RECQL: variants seen among roughly 807,000 people sequenced by gnomAD.
RECQL encodes the protein ATP-dependent DNA helicase Q1.
RECQL carries 73 observed loss-of-function variants against 75.8 expected under a neutral mutation model. The ratio of observed to expected loss-of-function variants is 0.96; its 90% confidence interval spans 0.80 to 1.17. The LOEUF (loss-of-function observed/expected upper bound fraction) is 1.17. Ranked by LOEUF, RECQL falls within the 50% of genes most tolerant of loss-of-function variation. The pLI is 0.00. For missense variants in RECQL, 699 were observed against 772.1 expected, an observed-to-expected ratio of 0.91 and a Z score of 1.12; for synonymous variants, 248 against 254.4, an observed-to-expected ratio of 0.97 and a Z score of 0.24.
intron 2 of RECQL, among the ~76,000 whole-genome samples, chr12:21,494,807 C>T (rs1228985920): frequency 6.6e-6 from 1 of 152,236 alleles, no homozygotes; most frequent in Middle Eastern, 3.4e-3. Flanking sequence ...GCTGGGGCTC[C>T]CCTGGCTGTT....
chr12:21,475,969 T>C (rs1485315180), intron 8 of RECQL, 145 bp from the exon 9 acceptor site: 2 of 646,052 alleles, frequency 3.1e-6, no homozygotes, highest in East Asian at 2.8e-5. Flanking sequence ...TGTGCATATA[T>C]TGACATTTTG....
intron 6 of RECQL, among the ~76,000 whole-genome samples, chr12:21,480,301 T>G (rs1471747045): frequency 6.6e-6 from 1 of 152,120 alleles, no homozygotes; most frequent in African/African-American, 2.4e-5. Flanking sequence ...ATATCACTGG[T>G]TGCTCTGTGG....
intron 3 of RECQL, among the ~76,000 whole-genome samples, 184 bp downstream of exon 3, chr12:21,491,335 T>C (rs901162009): frequency 6.6e-6 from 1 of 152,148 alleles, no homozygotes; most frequent in African/African-American, 2.4e-5. Context: ...TAATAAAAGT[T>C]TAATTTGAAG....
intron 13 of RECQL, 99 bp downstream of exon 13, chr12:21,471,329 G>T: frequency 8.7e-7 from 1 of 1,149,498 alleles, no homozygotes; most frequent in Non-Finnish European, 1.2e-6. Flanking sequence ...GCATTTAAAA[G>T]TTCACACAAA....
intron 2 of RECQL, among the ~76,000 whole-genome samples, chr12:21,494,151 T>G (rs1015036898): frequency 6.6e-6 from 1 of 152,060 alleles, no homozygotes; most frequent in East Asian, 1.9e-4. Flanking sequence ...GAAGAGGCAG[T>G]GCCAGGCTCC....
chr12:21,469,686 A>AT lies in RECQL; in HGVS notation c.*507dup, dbSNP rs201322313. 5.0e-5 allele frequency: 7 copies of AT among 139,296 alleles called. No individual in the cohort carries two copies. Among genetic ancestry groups the AT allele is most frequent in the East Asian group, 2.2e-4 (1 of 4,596 alleles). The allele number at this position is 139,296 out of a possible 1,614,324, so 8.6% of individuals were successfully genotyped here. ...CTTAAAACATGAGATTTTTCTTGCA[A>AT]TTTTTTTTTTAAGCTCATCAGCTAT... On this transcript the variant is annotated 3_prime_UTR_variant, in exon 15 of 15. Transcript: ENST00000444129.
intron 12 of RECQL, 89 bp from the exon 13 acceptor site, chr12:21,471,736 G>C: frequency 9.7e-7 from 1 of 1,029,536 alleles, no homozygotes; most frequent in Non-Finnish European, 1.5e-6. Context: ...CTGGTTTAAA[G>C]CTGGTTATCA....
At chr12:21,475,390 C>G in intron 10 of RECQL, 78 bp downstream of exon 10, 1 of 877,888 alleles carries the variant, frequency 1.1e-6, no homozygotes, top group Non-Finnish European at 1.8e-6. Context: ...ATAAAACATA[C>G]AGACTTATTA....
At position 21,475,576 on chromosome 12, in the gene RECQL, C is replaced by T. The variant is rs768515768; in HGVS notation, c.1108G>A (p.Ala370Thr). The T allele has an allele frequency of 6.2e-7, 1 of 1,611,560 alleles. No individual in the cohort carries two copies. Among genetic ancestry groups the T allele is most frequent in the East Asian group, 2.2e-5 (1 of 44,812 alleles). The change falls in exon 10 of 15, where the codon GCA (alanine) becomes ACA (threonine). Residue 370 changes from alanine to threonine, a missense_variant. This residue lies in a region of RECQL where 669 missense variants were observed against 713.5 expected (regional missense o/e 0.94). Transcript: ENST00000444129. ...ATTCCCATACCAAATGCAACAGTTG[C>T]CACTACTACCTGAAATATTTTAACA... ...WSANEIQVVV[A>T]TVAFGMGIDK... is the part of the protein sequence containing the mutation.
intron 11 of RECQL, among the ~76,000 whole-genome samples, chr12:21,474,387 G>A (rs540470920): frequency 1.3e-5 from 2 of 152,130 alleles, no homozygotes; most frequent in African/African-American, 4.8e-5. Context: ...AAGCTTTCAG[G>A]AAGCTATCTA....
Position 21,474,900 on chromosome 12 carries a change from C to T in RECQL, c.1296G>A (p.Met432Ile), listed in dbSNP as rs2137333525. 6.2e-7 allele frequency: 1 copy of T among 1,613,206 alleles called. No homozygotes were observed. ...DIFRISSMVV[M>I]ENVGQQKLYE... Reference sequence around the variant, plus strand: ...AAAGCTTCTGCTGTCCCACATTTTCCATCACCACCATTGAACTTATTCTGA... The same window carrying T: ...AAAGCTTCTGCTGTCCCACATTTTCTATCACCACCATTGAACTTATTCTGA... Residue 432 changes from methionine (M) to isoleucine (I), a missense_variant, in exon 11 of 15, where the codon ATG becomes ATA. By Grantham distance (10) the Met-to-Ile change is conservative (BLOSUM62 1). This residue lies in a region of RECQL where 669 missense variants were observed against 713.5 expected (regional missense o/e 0.94). Transcript: ENST00000444129.
intron 2 of RECQL, among the ~76,000 whole-genome samples, chr12:21,497,548 G>A (rs1320873898): frequency 3.3e-5 from 5 of 152,206 alleles, no homozygotes; most frequent in African/African-American, 7.2e-5. Context: ...AGGATGGTTA[G>A]CAACTTGGAA....
chr12:21,478,033 T>A, intron 6 of RECQL, 64 bp from the exon 7 acceptor site: 1 of 1,467,568 alleles, frequency 6.8e-7, no homozygotes. Flanking sequence ...TTATATCTTT[T>A]AACATTATGC....
intron 2 of RECQL, among the ~76,000 whole-genome samples, chr12:21,491,934 C>G (rs1419116400): frequency 2.6e-5 from 4 of 152,188 alleles, no homozygotes; most frequent in African/African-American, 9.7e-5. Flanking sequence ...TACTCACCTG[C>G]ATCCCCATTT....
At chr12:21,479,619 C>A (rs1298963022) in intron 6 of RECQL, among the ~76,000 whole-genome samples, 1 of 152,116 alleles carries the variant, frequency 6.6e-6, no homozygotes, top group Non-Finnish European at 1.5e-5. Context: ...TCCCAAAGTG[C>A]TGGGATTACA....
At chr12:21,478,180 G>A (rs1046473939) in intron 6 of RECQL, among the ~76,000 whole-genome samples, 2 of 152,090 alleles carry the variant, frequency 1.3e-5, no homozygotes, top group African/African-American at 2.4e-5. Flanking sequence ...GTGGACTCAA[G>A]AGACAGTGGG....
chr12:21,492,268 G>A (rs1943428847), intron 2 of RECQL, among the ~76,000 whole-genome samples: 1 of 152,168 alleles, frequency 6.6e-6, no homozygotes, highest in South Asian at 2.1e-4. Context: ...GAAATCAAGT[G>A]TACTATTGGA....
intron 6 of RECQL, among the ~76,000 whole-genome samples, chr12:21,482,028 G>A (rs1458905582): frequency 1.4e-5 from 2 of 142,960 alleles, no homozygotes; most frequent in African/African-American, 4.9e-5. Flanking sequence ...GGTTAAAGGT[G>A]AAAAATGGAG....
intron 6 of RECQL, among the ~76,000 whole-genome samples, chr12:21,480,875 G>A (rs894436509): frequency 1.3e-5 from 2 of 152,186 alleles, no homozygotes; most frequent in Non-Finnish European, 2.9e-5. Context: ...AAGTTTCTAA[G>A]TCTTATTTGT....
Sources: allele counts gnomAD v4.1 joint callset (sites outside exome capture counted in the v4.1 genomes callset), GRCh38; gene constraint gnomAD v4.1.1; regional missense constraint gnomAD v4.1.1; transcripts MANE v1.5; gene names NCBI Gene and HGNC (gene_info 2026-07-23, HGNC 2026-07-21).